The following NELL1 variants were observed in gnomAD, a reference collection of about 807,000 sequenced individuals.
NELL1 encodes the protein protein kinase C-binding protein NELL1.
NELL1 carries 76 observed loss-of-function variants against 107.4 expected under a neutral mutation model. The ratio of observed to expected loss-of-function variants is 0.71; its 90% confidence interval spans 0.59 to 0.86. The LOEUF (loss-of-function observed/expected upper bound fraction) is 0.86. Ranked by LOEUF, NELL1 falls within the 40% of genes least tolerant of loss-of-function variation. NELL1 has a pLI of 0.00. For missense variants in NELL1, 1,024 were observed against 1,005.5 expected (o/e 1.02, Z -0.25); for synonymous variants, 353 against 341.2 (o/e 1.03, Z -0.38).
At chr11:21,007,819 A>G (rs972465791) in intron 12 of NELL1, among the ~76,000 whole-genome samples, 3 of 152,150 alleles carry the variant, frequency 2.0e-5, no homozygotes, top group African/African-American at 7.2e-5. Flanking sequence ...AAGTTAAGGT[A>G]TGGCCCACTT....
At chr11:21,219,882 G>T (rs920661258) in intron 13 of NELL1, among the ~76,000 whole-genome samples, 3 of 152,150 alleles carry the variant, frequency 2.0e-5, no homozygotes, top group African/African-American at 7.2e-5. Flanking sequence ...TCTGCAGGCT[G>T]TACAGGAAGC....
chr11:21,202,799 T>C (rs971323038), intron 13 of NELL1, among the ~76,000 whole-genome samples: 2 of 152,340 alleles, frequency 1.3e-5, no homozygotes, highest in South Asian at 2.1e-4. Flanking sequence ...GCTTTAGCTG[T>C]GTCCCAGAGA....
At chr11:21,178,207 T>A (rs979729808) in intron 13 of NELL1, among the ~76,000 whole-genome samples, 1 of 151,738 alleles carries the variant, frequency 6.6e-6, no homozygotes, top group Non-Finnish European at 1.5e-5. Flanking sequence ...CTAATAGGGA[T>A]TTCTTTGCTT....
At chr11:20,758,030 AG>A (rs1856336029) in intron 2 of NELL1, among the ~76,000 whole-genome samples, 2 of 152,152 alleles carry the variant, frequency 1.3e-5, no homozygotes, top group African/African-American at 4.8e-5. Flanking sequence ...GCAGAGAGAG[AG>A]GGGCCAAGCT....
intron 19 of NELL1, among the ~76,000 whole-genome samples, chr11:21,574,470 T>G (rs2134017547): frequency 1.3e-5 from 2 of 151,898 alleles, no homozygotes; most frequent in East Asian, 2.0e-4. Flanking sequence ...TTTAATGAAT[T>G]TATAAGTATT....
At chr11:21,405,084 T>C (rs185490987) in intron 15 of NELL1, among the ~76,000 whole-genome samples, 1 of 152,168 alleles carries the variant, frequency 6.6e-6, no homozygotes, top group Non-Finnish European at 1.5e-5. Context: ...CCTAGCTTTA[T>C]GATCTCTAAG....
chr11:21,513,092 C>T (rs917984502), intron 15 of NELL1, among the ~76,000 whole-genome samples: 1 of 152,140 alleles, frequency 6.6e-6, no homozygotes, highest in South Asian at 2.1e-4. Context: ...GTTTGGGACC[C>T]CAGGCAGCCC....
intron 12 of NELL1, among the ~76,000 whole-genome samples, chr11:21,013,353 A>G (rs1349112301): frequency 6.6e-6 from 1 of 152,122 alleles, no homozygotes; most frequent in Admixed American, 6.6e-5. Flanking sequence ...TATAGGAAAT[A>G]GTGCTCCAGG....
Position 20,735,138 on chromosome 11 carries a change from G to A in NELL1, c.185-48542G>A, listed in dbSNP as rs59134104. ...AACTTCAAAGAAAAACTCAGAAAGT[G>A]TTTTGCAATGGATGCTAAGAGTTTA... On this transcript the variant is annotated intron_variant, in intron 2 of 19. Transcript: ENST00000357134. 6.8e-3 allele frequency among the ~76,000 whole-genome samples: 1,035 copies of A among 152,240 alleles called. 9 individuals carry two copies. The highest frequency in any genetic ancestry group is 0.024 in the African/African-American group (977 of 41,540).
At chr11:20,703,948 T>G (rs189365820) in intron 2 of NELL1, among the ~76,000 whole-genome samples, 1 of 152,292 alleles carries the variant, frequency 6.6e-6, no homozygotes, top group Admixed American at 6.5e-5. Context: ...TTGGAATAAG[T>G]GTGATGTGGT....
At chr11:20,690,237 G>A (rs1352012955) in intron 2 of NELL1, among the ~76,000 whole-genome samples, 1 of 151,876 alleles carries the variant, frequency 6.6e-6, no homozygotes, top group Non-Finnish European at 1.5e-5. Flanking sequence ...TAGGTTGCCT[G>A]TTCACTCTGA....
At chr11:21,091,513 TA>T (rs1429318296) in intron 12 of NELL1, among the ~76,000 whole-genome samples, 1 of 152,162 alleles carries the variant, frequency 6.6e-6, no homozygotes, top group African/African-American at 2.4e-5. Flanking sequence ...ACTAGGCAAA[TA>T]GGGAAAATGA....
rs923328642 is a variant in NELL1, at chr11:21,402,865, T to C, written c.1645+31917T>C. Among the ~76,000 whole-genome samples, 16 of 151,856 alleles carry C rather than the reference T, an allele frequency of 1.1e-4. No individual in the cohort carries two copies. In the South Asian group the frequency reaches 3.1e-3, roughly 29 times the overall value. On this transcript the variant is annotated intron_variant, in intron 15 of 19. Transcript: ENST00000357134. ...GAACACTTCCCATTTGCTGCTAAAGTAGCCCTGAAACAGAGCTGAATATTG... is the reference window on the plus strand; with the variant it reads ...GAACACTTCCCATTTGCTGCTAAAGCAGCCCTGAAACAGAGCTGAATATTG...
At chr11:21,185,469 A>G (rs1856915839) in intron 13 of NELL1, among the ~76,000 whole-genome samples, 1 of 151,358 alleles carries the variant, frequency 6.6e-6, no homozygotes, top group African/African-American at 2.4e-5. Context: ...TAATTTTTGT[A>G]TATTTAGTAG....
At chr11:21,119,421 A>G (rs919568400) in intron 13 of NELL1, among the ~76,000 whole-genome samples, 1 of 151,892 alleles carries the variant, frequency 6.6e-6, no homozygotes, top group Non-Finnish European at 1.5e-5. Context: ...ATATGGGATA[A>G]TAAAGCTCCA....
At chr11:20,791,539 G>A (rs187260860) in intron 3 of NELL1, among the ~76,000 whole-genome samples, 3 of 152,184 alleles carry the variant, frequency 2.0e-5, no homozygotes, top group Admixed American at 1.3e-4. Flanking sequence ...ATGTCTTCCT[G>A]TCCTACCTGC....
At chr11:21,110,327 T>C (rs1036744662) in intron 12 of NELL1, among the ~76,000 whole-genome samples, 1 of 152,042 alleles carries the variant, frequency 6.6e-6, no homozygotes, top group Admixed American at 6.6e-5. Context: ...CTCAATGACA[T>C]GTAGAGAGCA....
chr11:21,286,554 A>G (rs1282457288), intron 14 of NELL1, among the ~76,000 whole-genome samples: 1 of 152,206 alleles, frequency 6.6e-6, no homozygotes, highest in Non-Finnish European at 1.5e-5. Context: ...TTATGATGAC[A>G]AGGATTTATT....
chr11:20,911,673 A>C (rs1217909552), intron 5 of NELL1, among the ~76,000 whole-genome samples: 1 of 152,182 alleles, frequency 6.6e-6, no homozygotes, highest in Admixed American at 6.6e-5. Context: ...AGGTGATGGC[A>C]ATTTCACCCA....
Sources: gnomAD v4.1 joint callset for allele counts (sites outside exome capture counted in the v4.1 genomes callset) on GRCh38, gnomAD v4.1.1 for gene constraint, MANE v1.5 for transcripts, NCBI Gene and HGNC (gene_info 2026-07-23, HGNC 2026-07-21) for gene names.